CHFR: variants seen among roughly 807,000 people sequenced by gnomAD.
The protein encoded by CHFR is E3 ubiquitin-protein ligase CHFR.
CHFR carries 57 observed loss-of-function variants against 87.6 expected under a neutral mutation model. The observed-to-expected ratio is 0.65, with a 90% CI of 0.53 to 0.81. The LOEUF is 0.81. Ranked by LOEUF, CHFR falls within the 30% of genes least tolerant of loss-of-function variation. The pLI, the probability that CHFR is intolerant of heterozygous loss-of-function variation, is 0.00. For missense variants in CHFR, 797 were observed against 865.8 expected (o/e 0.92, Z 1.00); for synonymous variants, 381 against 359.2 (o/e 1.06, Z -0.69).
chr12:132,853,394 C>T, intron 11 of CHFR, 37 bp downstream of exon 11: 2 of 1,463,696 alleles, frequency 1.4e-6, no homozygotes, highest in East Asian at 5.4e-5. Context: ...CAAAGTGACT[C>T]ACGCGAAGGC....
At chr12:132,845,184 G>A (rs1468225268) in intron 15 of CHFR, among the ~76,000 whole-genome samples, 2 of 151,938 alleles carry the variant, frequency 1.3e-5, no homozygotes, top group Non-Finnish European at 2.9e-5. Flanking sequence ...GGCCAGGCAC[G>A]GTGGCTCGCG....
intron 15 of CHFR, among the ~76,000 whole-genome samples, chr12:132,844,617 C>T (rs746172062): frequency 1.5e-4 from 22 of 151,056 alleles, no homozygotes; most frequent in Admixed American, 4.6e-4. Flanking sequence ...AACAATCCCA[C>T]GTGGATATAA....
chr12:132,883,196 G>C (rs1376468941), intron 2 of CHFR, among the ~76,000 whole-genome samples: 1 of 152,122 alleles, frequency 6.6e-6, no homozygotes, highest in Non-Finnish European at 1.5e-5. Context: ...GGGAGGCCGA[G>C]GCGGGAGGAT....
In CHFR at chr12:132,887,121, G is replaced by A. The variant is rs890139951; in HGVS notation, c.133+75C>T. The A allele has an allele frequency of 5.4e-6, 7 of 1,288,872 alleles. No homozygotes were observed. The East Asian group carries it at 1.6e-4, about 29-fold the overall frequency. The allele number at this position is 1,288,872 out of a possible 1,614,324, so 79.8% of individuals were successfully genotyped here. ...AAAAATCTGGAGCGCACACTGCACC[G>A]CCGCCCGTGTGGCCTGCCCGCAACC... On this transcript the variant is annotated intron_variant, in intron 2 of 17. Coordinates refer to ENST00000450056, the MANE Select transcript of CHFR (RefSeq NM_001161346.2).
intron 2 of CHFR, among the ~76,000 whole-genome samples, chr12:132,881,694 C>T (rs773622366): frequency 5.9e-5 from 9 of 151,966 alleles, no homozygotes; most frequent in African/African-American, 1.2e-4. Context: ...GGTGAAACCC[C>T]GTCTCTACTA....
chr12:132,855,523 T>C (rs528837591), intron 10 of CHFR, among the ~76,000 whole-genome samples: 1 of 150,904 alleles, frequency 6.6e-6, no homozygotes, highest in South Asian at 2.1e-4. Context: ...AAAAATTAGC[T>C]GGGTGTGGTG....
intron 6 of CHFR, among the ~76,000 whole-genome samples, chr12:132,863,241 C>T (rs937857648): frequency 4.8e-5 from 7 of 147,198 alleles, no homozygotes; most frequent in African/African-American, 1.2e-4. Flanking sequence ...GGCGCGGTGG[C>T]TCATGCCTGT....
intron 4 of CHFR, chr12:132,871,787 A>T (rs961486248): frequency 6.6e-6 from 1 of 152,556 alleles, no homozygotes; most frequent in African/African-American, 2.4e-5. Context: ...AAAAAAAAGT[A>T]TTTCAGGGGT....
intron 16 of CHFR, 56 bp from the exon 17 acceptor site, chr12:132,843,139 C>A: frequency 6.7e-7 from 1 of 1,501,584 alleles, no homozygotes; most frequent in South Asian, 1.2e-5. Context: ...ACCCACTCAG[C>A]TACCTGAATC....
chr12:132,841,957 A>G (rs1051096178), intron 17 of CHFR, among the ~76,000 whole-genome samples: 3 of 152,102 alleles, frequency 2.0e-5, no homozygotes, highest in Admixed American at 6.6e-5. Flanking sequence ...AAATATTTAA[A>G]AAATTAGCCT....
intron 2 of CHFR, among the ~76,000 whole-genome samples, chr12:132,882,150 T>C (rs568963318): frequency 6.6e-6 from 1 of 152,322 alleles, no homozygotes; most frequent in East Asian, 1.9e-4. Context: ...TAAATGTCCA[T>C]CCACTGGTTG....
intron 2 of CHFR, among the ~76,000 whole-genome samples, chr12:132,882,751 G>A (rs1001062410): frequency 2.6e-5 from 4 of 151,490 alleles, no homozygotes; most frequent in Admixed American, 1.3e-4. Context: ...TGTTACCCCA[G>A]CTGTGGTGCA....
chr12:132,861,151 G>C (rs567584082), intron 7 of CHFR, among the ~76,000 whole-genome samples: 1 of 152,164 alleles, frequency 6.6e-6, no homozygotes, highest in East Asian at 1.9e-4. Flanking sequence ...CCCAGTGTTA[G>C]GATTACGGAT....
rs575218134 is a variant in CHFR at position 132,877,536 on chromosome 12, A to C, written c.233+19T>G. On this transcript the variant is annotated intron_variant, in intron 3 of 17. Coordinates refer to ENST00000450056, the MANE Select transcript of CHFR (RefSeq NM_001161346.2). ...AAGCTACAAGAAGAAACACCAAAAG[A>C]AGCTCAGAACATACTCACCTGGTAT... The C allele has an allele frequency of 7.8e-6, 12 of 1,541,154 alleles. No individual in the cohort carries two copies. Among genetic ancestry groups the C allele is most frequent in the Admixed American group, 3.6e-5 (2 of 55,750 alleles).
At chr12:132,853,138 C>T (rs1397756419) in intron 11 of CHFR, among the ~76,000 whole-genome samples, 3 of 152,240 alleles carry the variant, frequency 2.0e-5, no homozygotes, top group Non-Finnish European at 4.4e-5. Flanking sequence ...GGGACATCAG[C>T]TGCCCTGAGG....
chr12:132,882,044 C>G (rs112365212), intron 2 of CHFR, among the ~76,000 whole-genome samples: 38 of 152,292 alleles, frequency 2.5e-4, no homozygotes, highest in African/African-American at 8.7e-4. Flanking sequence ...CAATTCCATT[C>G]ATAGTTACTT....
Position 132,870,774 on chromosome 12 carries a change from T to A in CHFR, c.353A>T (p.Tyr118Phe). Reference sequence around the variant, plus strand: ...CTTTTCACTTAAAGATTCATAGAGGTATGCCACGTCTAAAAGAAAATCAAT... The same window carrying A: ...CTTTTCACTTAAAGATTCATAGAGGAATGCCACGTCTAAAAGAAAATCAAT... Reference protein sequence around the residue: ...RKNEPEHNVAYLYESLSEKQG... With the variant: ...RKNEPEHNVAFLYESLSEKQG... Residue 118 changes from tyrosine to phenylalanine, a missense_variant, in exon 5 of 18, where the codon TAC (tyrosine) becomes TTC (phenylalanine). This residue lies in a region of CHFR where 597 missense variants were observed against 601.2 expected (regional missense o/e 0.99). Coordinates refer to ENST00000450056, the MANE Select transcript of CHFR (RefSeq NM_001161346.2). 2 of 1,607,808 alleles carry A rather than the reference T, an allele frequency of 1.2e-6. No homozygotes were observed. Among genetic ancestry groups the A allele is most frequent in the Non-Finnish European group, 8.5e-7 (1 of 1,174,550 alleles).
At position 132,841,368 on chromosome 12, in the gene CHFR, G is replaced by C. The variant is rs1278595598; in HGVS notation, c.*186C>G. 1.7e-6 allele frequency: 1 copy of C among 585,246 alleles called. No individual in the cohort carries two copies. The highest frequency in any genetic ancestry group is 1.9e-5 in the African/African-American group (1 of 53,218). 36.3% of individuals were successfully genotyped at this position (585,246 alleles called of 1,614,324 possible). A position where few individuals can be genotyped will look rare whatever the true frequency, so the allele number is the denominator to read the frequency against. ...CAGGAGGGCGGGCTGCGGCCCCCGG[G>C]GCTCTGGGGAGGGTCTCACTCAGAG... On this transcript the variant is annotated 3_prime_UTR_variant, in exon 18 of 18. Coordinates refer to ENST00000450056, the MANE Select transcript of CHFR (RefSeq NM_001161346.2).
chr12:132,845,357 G>A (rs1324454882), intron 15 of CHFR, among the ~76,000 whole-genome samples: 1 of 151,984 alleles, frequency 6.6e-6, no homozygotes, highest in Non-Finnish European at 1.5e-5. Flanking sequence ...TACTCAGGAG[G>A]CTGAGGCAGG....
Sources: gnomAD v4.1 joint callset for allele counts (sites outside exome capture counted in the v4.1 genomes callset) on GRCh38, gnomAD v4.1.1 for gene constraint, gnomAD v4.1.1 regional missense constraint, MANE v1.5 for transcripts, NCBI Gene and HGNC (gene_info 2026-07-23, HGNC 2026-07-21) for gene names.